Variants in GPR108 observed in about 807,000 individuals in gnomAD.
The protein encoded by GPR108 is G protein-coupled receptor 108, also known as protein GPR108.
GPR108 carries 60 observed loss-of-function variants against 74.3 expected under a neutral mutation model. The ratio of observed to expected loss-of-function variants is 0.81; its 90% CI spans 0.66 to 1.00. The LOEUF is 1.00. GPR108 is among the 50% of genes least tolerant of loss of function. GPR108 has a pLI of 0.00. For missense variants in GPR108, 667 were observed against 703.3 expected, an observed-to-expected ratio of 0.95 and a Z score of 0.58; for synonymous variants, 311 against 292.4, an observed-to-expected ratio of 1.06 and a Z score of -0.65.
chr19:6,731,585 T>TG, intron 14 of GPR108, 63 bp from the exon 15 acceptor site: 1 of 120,324 alleles, frequency 8.3e-6, no homozygotes, highest in Non-Finnish European at 1.5e-5. Flanking sequence ...GGGAGGGGGC[T>TG]GGGGGCTGGG....
At chr19:6,730,622 C>T (rs1319641156) in intron 17 of GPR108, 2 of 574,626 alleles carry the variant, frequency 3.5e-6, no homozygotes, top group Non-Finnish European at 6.2e-6. Context: ...ACCCACTCTA[C>T]CCGTAACCAC....
intron 2 of GPR108, 90 bp downstream of exon 2, chr19:6,736,502 C>CAAG: frequency 7.5e-7 from 1 of 1,337,744 alleles, no homozygotes; most frequent in South Asian, 1.3e-5. Context: ...GGGACTTGTA[C>CAAG]AAGATCACAT....
chr19:6,733,309 G>T lies in GPR108; in HGVS notation c.724-8C>A, dbSNP rs188132326. On this transcript the variant is annotated splice_polypyrimidine_tract_variant and splice_region_variant and intron_variant, in intron 8 of 17. Coordinates refer to ENST00000264080, the MANE Select transcript of GPR108 (RefSeq NM_001080452.2). ...CTTCTCCCGGATCATCACCTGCGGA[G>T]GGGGCAGTGGTGGGCGGCGGCAGGG... 1 of 1,611,746 alleles carries T rather than the reference G, an allele frequency of 6.2e-7. No homozygotes were observed. The highest frequency in any genetic ancestry group is 8.5e-7 in the Non-Finnish European group (1 of 1,178,518).
intron 2 of GPR108, 123 bp from the exon 3 acceptor site, chr19:6,736,081 A>G: frequency 1.2e-6 from 1 of 827,010 alleles, no homozygotes; most frequent in Non-Finnish European, 1.9e-6. Flanking sequence ...GCTAGATCCC[A>G]CACGCTCTTT....
intron 6 of GPR108, 37 bp from the exon 7 acceptor site, chr19:6,733,950 G>A: frequency 6.2e-7 from 1 of 1,614,114 alleles, no homozygotes; most frequent in Non-Finnish European, 8.5e-7. Flanking sequence ...CTGGTTCTGG[G>A]TCCCCGCAGG....
chr19:6,737,364 C>A, intron 1 of GPR108, 93 bp downstream of exon 1: 1 of 1,398,822 alleles, frequency 7.1e-7, no homozygotes, highest in Non-Finnish European at 9.3e-7. Context: ...GCCTCGGGGA[C>A]GGGGGAGGGC....
In GPR108 at chr19:6,736,689, T is replaced by TA; in HGVS notation, c.142_143insT (p.Gln48LeufsTer64). On this transcript the variant is annotated frameshift_variant, in exon 2 of 18. Coordinates refer to ENST00000264080, the MANE Select transcript of GPR108 (RefSeq NM_001080452.2). LOFTEE classifies it high-confidence loss of function. The stretch of plus-strand genomic sequence containing the variant: ...GGTGTAGAAACCGAAGCTGTTCAGC[T>TA]GGATGTCCGCTCGCTTCTCCCCCTG... 1 of 1,614,126 alleles carries TA rather than the reference T, an allele frequency of 6.2e-7. No homozygotes were observed. Among genetic ancestry groups the TA allele is most frequent in the Non-Finnish European group, 8.5e-7 (1 of 1,180,014 alleles).
At chr19:6,733,745 G>A (rs1228202764) in intron 7 of GPR108, 71 bp from the exon 8 acceptor site, 3 of 1,578,306 alleles carry the variant, frequency 1.9e-6, no homozygotes, top group African/African-American at 1.3e-5. Context: ...CAGCTTGGGG[G>A]TCCCATGGTC....
chr19:6,733,333 G>A (rs1271662887), intron 8 of GPR108, 32 bp from the exon 9 acceptor site: 3 of 1,603,838 alleles, frequency 1.9e-6, no homozygotes, highest in Admixed American at 1.7e-5. Context: ...GCGGCGGCAG[G>A]GGCACAGCCC....
chr19:6,735,631 T>C lies in GPR108; in HGVS notation c.365A>G (p.Lys122Arg). 6.2e-7 allele frequency: 1 copy of C among 1,614,012 alleles called. No homozygotes were observed. The highest frequency in any genetic ancestry group is 1.7e-5 in the Admixed American group (1 of 60,004). The change falls in exon 4 of 18, where the codon AAG becomes AGG. Residue 122 changes from lysine to arginine, a missense_variant. Transcript: ENST00000264080. Reference sequence around the variant, plus strand: ...CCGGTCCCCAACTCACTGCAGATCCTTGGTGTTGATGAGGAACAGGACCAG... The same window carrying C: ...CCGGTCCCCAACTCACTGCAGATCCCTGGTGTTGATGAGGAACAGGACCAG... ...SFLVLFLINT[K>R]DLQVQVRKYG...
At chr19:6,730,958 G>A (rs376929031) in intron 17 of GPR108, 29 bp downstream of exon 17, 10 of 1,145,470 alleles carry the variant, frequency 8.7e-6, no homozygotes, top group Admixed American at 4.6e-5. Flanking sequence ...CCCCAGAGCC[G>A]CCGGCCCTGC....
Position 6,737,510 on chromosome 19 carries a change from G to A in GPR108, c.67C>T (p.Leu23=). 1 of 1,580,984 alleles carries A rather than the reference G, an allele frequency of 6.3e-7. No individual in the cohort carries two copies. Among genetic ancestry groups the A allele is most frequent in the Non-Finnish European group, 8.5e-7 (1 of 1,171,404 alleles). ...GAGCAGCCACCCAGCAGCAGCACCA[G>A]AAGTAGCCGCTGCCCCCACTCCGCG... ...SPAEWGQRLL[L]VLLLGGCSGR... is the part of the protein sequence containing the mutation. The change falls in exon 1 of 18, where the codon CTG becomes TTG. Residue 23 remains leucine, a synonymous_variant. Transcript: ENST00000264080.
In GPR108 at chr19:6,732,348, G is replaced by C; in HGVS notation, c.1040C>G (p.Ala347Gly). The C allele has an allele frequency of 6.2e-7, 1 of 1,613,540 alleles. No homozygotes were observed. The highest frequency in any genetic ancestry group is 8.5e-7 in the Non-Finnish European group (1 of 1,180,042). ...GAAGGCCCAGCCTGAGCCAATCAGG[G>C]CGATGGTGATGAAGAGGAGGGCGCC... The part of the protein sequence containing the change: ...LKGALLFITI[A>G]LIGSGWAFIK... The change falls in exon 12 of 18, where the codon GCC becomes GGC. Residue 347 changes from alanine (A) to glycine (G), a missense_variant. Coordinates refer to ENST00000264080, the MANE Select transcript of GPR108 (RefSeq NM_001080452.2).
At chr19:6,730,520 A>T in intron 17 of GPR108, 136 bp from the exon 18 acceptor site, 2 of 677,014 alleles carry the variant, frequency 3.0e-6, no homozygotes, top group Non-Finnish European at 5.1e-6. Context: ...CCCCAGACTC[A>T]CCCAGGCTGC....
At chr19:6,732,932 GC>G in intron 10 of GPR108, 54 bp downstream of exon 10, 1 of 1,472,142 alleles carries the variant, frequency 6.8e-7, no homozygotes, top group Admixed American at 2.0e-5. Context: ...TTGGGGGATG[GC>G]CCGGGTGGGC....
In GPR108 at chr19:6,732,559, G is replaced by T. The variant is rs1568237627; in HGVS notation, c.934-10C>A. 1.2e-6 allele frequency: 2 copies of T among 1,609,508 alleles called. No homozygotes were observed. The highest frequency in any genetic ancestry group is 1.7e-6 in the Non-Finnish European group (2 of 1,176,534). On this transcript the variant is annotated splice_polypyrimidine_tract_variant and intron_variant, in intron 10 of 17. Coordinates refer to ENST00000264080, the MANE Select transcript of GPR108 (RefSeq NM_001080452.2). ...TGAAGTAGTAGTTGATCTGGGGGTGGATGGACAGACGGACAGTGAGGCGCA... is the reference window on the plus strand; with the variant it reads ...TGAAGTAGTAGTTGATCTGGGGGTGTATGGACAGACGGACAGTGAGGCGCA...
intron 15 of GPR108, 84 bp downstream of exon 15, chr19:6,731,389 T>G: frequency 1.4e-6 from 2 of 1,476,402 alleles, no homozygotes; most frequent in South Asian, 1.3e-5. Flanking sequence ...GGCCTCGGGA[T>G]GGGGCAGCAG....
intron 4 of GPR108, among the ~76,000 whole-genome samples, 174 bp from the exon 5 acceptor site, chr19:6,734,481 C>G (rs1427156329): frequency 2.6e-5 from 4 of 152,210 alleles, no homozygotes; most frequent in African/African-American, 4.8e-5. Context: ...AAGGAGGCTG[C>G]CGCCTTCCTG....
At chr19:6,730,812 C>G (rs1407848276) in intron 17 of GPR108, among the ~76,000 whole-genome samples, 175 bp downstream of exon 17, 3 of 151,324 alleles carry the variant, frequency 2.0e-5, no homozygotes, top group Non-Finnish European at 4.4e-5. Context: ...CCCACCTGCA[C>G]AGCTGCCCTG....
Sources: allele counts gnomAD v4.1 joint callset (sites outside exome capture counted in the v4.1 genomes callset), GRCh38; gene constraint gnomAD v4.1.1; transcripts MANE v1.5; gene names NCBI Gene and HGNC (gene_info 2026-07-23, HGNC 2026-07-21).